The following ZC3H12B variants were observed in gnomAD, a reference collection of about 807,000 sequenced individuals.
ZC3H12B encodes the protein probable ribonuclease ZC3H12B.
In ZC3H12B, 7 loss-of-function variants were observed where a neutral mutation model predicts 43.9. The ratio of observed to expected loss-of-function variants is 0.16; its 90% CI spans 0.09 to 0.30. The LOEUF (loss-of-function observed/expected upper bound fraction) is 0.30. Ranked by LOEUF, ZC3H12B falls within the 10% of genes least tolerant of loss-of-function variation. The pLI is 1.00. For missense variants in ZC3H12B, 475 were observed against 670.2 expected, an observed-to-expected ratio of 0.71 and a Z score of 3.22; for synonymous variants, 222 against 241.7, an observed-to-expected ratio of 0.92 and a Z score of 0.76.
the ZC3H12B span, among the ~76,000 whole-genome samples, chrX:65,236,757 C>A: frequency 1.8e-5 from 2 of 112,143 alleles, no homozygotes; most frequent in East Asian, 2.8e-4. Flanking sequence ...TTTCAATTTT[C>A]TGCATATGGC....
At chrX:65,111,932 T>C in the ZC3H12B span, among the ~76,000 whole-genome samples, 3 of 111,750 alleles carry the variant, frequency 2.7e-5, no homozygotes, top group African/African-American at 3.2e-5. Flanking sequence ...GAGTAGCATA[T>C]TTCTCACTTT....
At chrX:65,107,214 A>G in the ZC3H12B span, among the ~76,000 whole-genome samples, 3 of 111,632 alleles carry the variant, frequency 2.7e-5, no homozygotes, top group Non-Finnish European at 5.7e-5. Context: ...TGCTACTAGA[A>G]CTTTTTAACT....
chrX:65,441,889 G>T (rs2067305914), intron 3 of ZC3H12B, among the ~76,000 whole-genome samples: 1 of 110,363 alleles, frequency 9.1e-6, no homozygotes, highest in African/African-American at 3.3e-5. Flanking sequence ...AACGGGGCCC[G>T]GGACGGGCCC....
chrX:65,292,607 C>T, the ZC3H12B span, among the ~76,000 whole-genome samples: 1 of 105,184 alleles, frequency 9.5e-6, no homozygotes, highest in Non-Finnish European at 1.9e-5. Flanking sequence ...GCACATGTAC[C>T]TCTGAACTTA....
the ZC3H12B span, among the ~76,000 whole-genome samples, chrX:65,299,894 A>G: frequency 1.8e-5 from 2 of 112,437 alleles, no homozygotes; most frequent in African/African-American, 6.5e-5. Context: ...GGGGAACCTG[A>G]GGTTCCAGAT....
In ZC3H12B at chrX:65,460,838, C is replaced by G. The variant is rs1270323809; in HGVS notation, n.408-27808C>G. Among the ~76,000 whole-genome samples the G allele has an allele frequency of 2.7e-5, 3 of 111,407 alleles. No homozygotes were observed. In the East Asian group the frequency reaches 8.4e-4, roughly 31 times the overall value. On this transcript the variant is annotated intron_variant and non_coding_transcript_variant, in intron 3 of 5. Coordinates refer to the ZC3H12B transcript ENST00000617377. ...TCTAAAACACCAAAAGCAATGGCAA[C>G]ACAAGCCAAAATTGATAAATGGGAT...
At chrX:65,099,355 C>A in the ZC3H12B span, among the ~76,000 whole-genome samples, 1 of 111,705 alleles carries the variant, frequency 9.0e-6, no homozygotes, top group East Asian at 2.8e-4. Context: ...GGGGAGTTCT[C>A]CAACCACAGT....
chrX:65,197,551 C>T, the ZC3H12B span, among the ~76,000 whole-genome samples: 571 of 112,077 alleles, frequency 5.1e-3, 2 homozygotes, highest in African/African-American at 0.016. Context: ...GCAAACTTTG[C>T]TCCCCAGTGA....
chrX:65,459,611 T>A (rs1218224184), intron 3 of ZC3H12B, among the ~76,000 whole-genome samples: 2 of 111,869 alleles, frequency 1.8e-5, no homozygotes, highest in Non-Finnish European at 3.8e-5. Flanking sequence ...AAAAACCACA[T>A]GATTATCTCA....
intron 2 of ZC3H12B, among the ~76,000 whole-genome samples, chrX:65,373,986 A>G (rs1233584076): frequency 3.5e-5 from 1 of 28,903 alleles, no homozygotes; most frequent in African/African-American, 2.4e-4. Context: ...TATATATACT[A>G]TATATATATA....
the ZC3H12B span, among the ~76,000 whole-genome samples, chrX:65,321,319 A>G: frequency 1.8e-5 from 2 of 112,467 alleles, no homozygotes; most frequent in African/African-American, 3.2e-5. Context: ...ATCACTGATT[A>G]TTAGAGAAAT....
chrX:65,131,736 T>G, the ZC3H12B span, among the ~76,000 whole-genome samples: 1 of 111,476 alleles, frequency 9.0e-6, no homozygotes, highest in Non-Finnish European at 1.9e-5. Flanking sequence ...GGAGATTAGC[T>G]GGACATGATC....
chrX:65,462,897 A>G (rs760551789), intron 3 of ZC3H12B, among the ~76,000 whole-genome samples: 1 of 112,735 alleles, frequency 8.9e-6, no homozygotes, highest in East Asian at 2.8e-4. Context: ...TTGGATATAG[A>G]AAATATGGTG....
intron 1 of ZC3H12B, 79 bp downstream of exon 6, chrX:65,489,488 T>G: frequency 9.4e-7 from 1 of 1,060,184 alleles, no homozygotes; most frequent in Non-Finnish European, 1.3e-6. Flanking sequence ...TGCAAATCAT[T>G]ATAAGAGGAG....
At chrX:65,411,728 A>G (rs2066905789) in intron 3 of ZC3H12B, among the ~76,000 whole-genome samples, 1 of 105,177 alleles carries the variant, frequency 9.5e-6, no homozygotes, top group Non-Finnish European at 1.9e-5. Flanking sequence ...TCCATCTCAA[A>G]ATAAATAAAT....
chrX:65,496,167 T>C (rs963116611), intron 1 of ZC3H12B, among the ~76,000 whole-genome samples: 10 of 112,383 alleles, frequency 8.9e-5, no homozygotes, highest in African/African-American at 3.2e-4. Context: ...GGTGTTACAT[T>C]ATATATAGTC....
intron 3 of ZC3H12B, among the ~76,000 whole-genome samples, chrX:65,443,367 C>A (rs2148129588): frequency 9.0e-6 from 1 of 110,842 alleles, no homozygotes; most frequent in African/African-American, 3.3e-5. Context: ...GCTGGGGAGA[C>A]CCTAACCTAG....
chrX:65,427,280 T>G (rs749654979), intron 3 of ZC3H12B, among the ~76,000 whole-genome samples: 1 of 111,530 alleles, frequency 9.0e-6, no homozygotes, highest in African/African-American at 3.3e-5. Flanking sequence ...GGATTGCAAA[T>G]CCTGTTTTTT....
intron 3 of ZC3H12B, among the ~76,000 whole-genome samples, chrX:65,460,725 T>C (rs746672088): frequency 4.3e-4 from 48 of 111,861 alleles, no homozygotes; most frequent in Non-Finnish European, 7.0e-4. Context: ...GGATTAAAGA[T>C]TTAAATGTTA....
Sources: allele counts gnomAD v4.1 joint callset (sites outside exome capture counted in the v4.1 genomes callset), GRCh38; gene constraint gnomAD v4.1.1; transcripts MANE v1.5; gene names NCBI Gene and HGNC (gene_info 2026-07-23, HGNC 2026-07-21).